The following CACNA1H variants were observed in gnomAD, a reference collection of about 807,000 sequenced individuals.
CACNA1H encodes voltage-dependent T-type calcium channel subunit alpha-1H.
CACNA1H carries 149 observed loss-of-function variants against 192.5 expected under a neutral mutation model. The observed-to-expected ratio is 0.77, with a 90% CI of 0.68 to 0.89. The LOEUF (loss-of-function observed/expected upper bound fraction) is 0.89. CACNA1H is among the 40% of genes least tolerant of loss of function. CACNA1H has a pLI of 0.00. For synonymous variants in CACNA1H, 2,202 were observed against 1,475.2 expected, an observed-to-expected ratio of 1.49 and a Z score of -11.29; for missense variants, 4,257 against 3,423.5, an observed-to-expected ratio of 1.24 and a Z score of -6.08.
At chr16:1,176,698 C>T (rs1403798399) in intron 2 of CACNA1H, among the ~76,000 whole-genome samples, 1 of 152,198 alleles carries the variant, frequency 6.6e-6, no homozygotes, top group Non-Finnish European at 1.5e-5. Flanking sequence ...GCCGGCTGGG[C>T]ACCAAGTCTC....
rs1262548254 is a variant in CACNA1H, at chr16:1,198,739, G to A, written c.768G>A (p.Leu256=). The A allele has an allele frequency of 2.5e-6, 4 of 1,612,674 alleles. No homozygotes were observed. The highest frequency in any genetic ancestry group is 3.4e-6 in the Non-Finnish European group (4 of 1,179,522). ...IVGVQLWAGL[L]RNRCFLDSAF... The stretch of plus-strand genomic sequence containing the variant: ...GCGTCCAGCTCTGGGCTGGCCTCCT[G>A]CGGAACCGCTGCTTCCTGGACAGTG... Residue 256 remains leucine (L), a synonymous_variant, in exon 6 of 35, where the codon CTG becomes CTA. Transcript: ENST00000348261.
rs949766411 is a variant in CACNA1H at position 1,221,681 on chromosome 16, A to T, written c.*687A>T. 6.9e-6 allele frequency: 8 copies of T among 1,159,494 alleles called. No individual in the cohort carries two copies. Among genetic ancestry groups the T allele is most frequent in the Non-Finnish European group, 9.6e-6 (8 of 836,312 alleles). 71.8% of individuals were successfully genotyped at this position (1,159,494 alleles called of 1,614,324 possible). ...TTCGTGTGCTTTTAAATTCAGGTTAAATGTTGCAATAATCTGATGCAGAAG... is the reference window on the plus strand; with the variant it reads ...TTCGTGTGCTTTTAAATTCAGGTTATATGTTGCAATAATCTGATGCAGAAG... On this transcript the variant is annotated 3_prime_UTR_variant, in exon 35 of 35. Transcript: ENST00000348261.
chr16:1,195,911 C>T lies in CACNA1H; in HGVS notation c.546-15C>T, dbSNP rs368216156. 9 of 1,605,788 alleles carry T rather than the reference C, an allele frequency of 5.6e-6. No homozygotes were observed. The highest frequency in any genetic ancestry group is 1.3e-5 in the African/African-American group (1 of 74,750). ...GGCTCCTTGTTGAGCTGCTCCCCCT[C>T]GGCCCCGCCCCCAGCATGATGGAGT... On this transcript the variant is annotated splice_polypyrimidine_tract_variant and intron_variant, in intron 4 of 34. Coordinates refer to ENST00000348261, the MANE Select transcript of CACNA1H (RefSeq NM_021098.3).
chr16:1,197,283 C>G (rs758210508), intron 5 of CACNA1H, among the ~76,000 whole-genome samples: 1 of 152,206 alleles, frequency 6.6e-6, no homozygotes, highest in African/African-American at 2.4e-5. Context: ...GCTGAGCGTG[C>G]GGTGAGGGGA....
intron 26 of CACNA1H, among the ~76,000 whole-genome samples, chr16:1,212,731 TCA>T (rs1384649158): frequency 6.6e-6 from 1 of 152,146 alleles, no homozygotes; most frequent in Non-Finnish European, 1.5e-5. Context: ...TCTGCCCGGC[TCA>T]CAGTCTGCCT....
intron 6 of CACNA1H, among the ~76,000 whole-genome samples, chr16:1,199,975 G>T (rs1369196407): frequency 1.3e-5 from 2 of 152,026 alleles, no homozygotes; most frequent in Admixed American, 6.6e-5. Context: ...TGTTCTTTGT[G>T]TGTTTGTCTC....
At position 1,167,181 on chromosome 16, in the gene CACNA1H, C is replaced by T. The variant is rs1963874834; in HGVS notation, c.299+13145C>T. Among the ~76,000 whole-genome samples, 1 of 152,208 alleles carries T rather than the reference C, an allele frequency of 6.6e-6. No individual in the cohort carries two copies. Among genetic ancestry groups the T allele is most frequent in the African/African-American group, 2.4e-5 (1 of 41,468 alleles). Reference sequence around the variant, plus strand: ...TGGGGCGTCTCCCATCGGGAAATGGCAGCCCCTGACCTGCCCCGTGGGGAT... The same window carrying T: ...TGGGGCGTCTCCCATCGGGAAATGGTAGCCCCTGACCTGCCCCGTGGGGAT... On this transcript the variant is annotated intron_variant, in intron 2 of 34. Transcript: ENST00000348261. This position sits in a 1 kb window ranked among gnomAD's most constrained non-coding sequence, Gnocchi z 4.2.
intron 10 of CACNA1H, among the ~76,000 whole-genome samples, chr16:1,204,664 C>T (rs972128328): frequency 2.0e-5 from 3 of 152,180 alleles, no homozygotes; most frequent in Non-Finnish European, 1.5e-5. Context: ...GGCCTCCTCT[C>T]TAGACGGCAG....
chr16:1,174,017 C>T (rs1049895157), intron 2 of CACNA1H, among the ~76,000 whole-genome samples: 7 of 152,224 alleles, frequency 4.6e-5, no homozygotes, highest in Admixed American at 4.6e-4. Context: ...TAGGGCCTCA[C>T]ATCATGCGGG....
chr16:1,165,056 T>C (rs1385509139), intron 2 of CACNA1H, among the ~76,000 whole-genome samples: 2 of 151,632 alleles, frequency 1.3e-5, no homozygotes, highest in Admixed American at 1.3e-4. Flanking sequence ...GTGGGAACAG[T>C]GGCGCTCACC....
chr16:1,165,789 C>G (rs1266495158), intron 2 of CACNA1H, among the ~76,000 whole-genome samples: 1 of 152,204 alleles, frequency 6.6e-6, no homozygotes, highest in Non-Finnish European at 1.5e-5. Flanking sequence ...ACGTTCCCCA[C>G]CAGATGAACC....
In CACNA1H at chr16:1,209,355, C is replaced by G; in HGVS notation, c.3687C>G (p.Phe1229Leu). ...GQVVALPSDF[F>L]LRIDSHREDA... is the part of the protein sequence containing the mutation. ...TGGTGGCCCTGCCCAGCGACTTCTT[C>G]CTGCGCATCGACAGCCACCGTGAGG... Residue 1229 changes from phenylalanine to leucine, a missense_variant, in exon 17 of 35, where the codon TTC (phenylalanine) becomes TTG (leucine). Phe to Leu is a conservative substitution (Grantham distance 22). Coordinates refer to ENST00000348261, the MANE Select transcript of CACNA1H (RefSeq NM_021098.3). 1 of 1,598,026 alleles carries G rather than the reference C, an allele frequency of 6.3e-7. No individual in the cohort carries two copies. Among genetic ancestry groups the G allele is most frequent in the Non-Finnish European group, 8.5e-7 (1 of 1,179,570 alleles).
intron 2 of CACNA1H, among the ~76,000 whole-genome samples, chr16:1,163,996 A>C (rs1388919960): frequency 6.6e-6 from 1 of 152,284 alleles, no homozygotes; most frequent in Non-Finnish European, 1.5e-5. Flanking sequence ...CCCCTGCCCC[A>C]GCCGAGGAGC....
In CACNA1H at chr16:1,221,721, G is replaced by C. The variant is rs1596484096; in HGVS notation, c.*727G>C. The C allele has an allele frequency of 7.0e-7, 1 of 1,424,256 alleles. No homozygotes were observed. Among genetic ancestry groups the C allele is most frequent in the African/African-American group, 1.4e-5 (1 of 70,312 alleles). 88.2% of individuals were successfully genotyped at this position (1,424,256 alleles called of 1,614,324 possible). On this transcript the variant is annotated 3_prime_UTR_variant, in exon 35 of 35. Coordinates refer to ENST00000348261, the MANE Select transcript of CACNA1H (RefSeq NM_021098.3). ...TGATGCAGAAGACTCAGCTTCTCAA[G>C]GGAGAGGGAGGGGGCGGAGCGGAAT... is the stretch of plus-strand genomic sequence containing the variant.
chr16:1,207,965 C>T, intron 15 of CACNA1H, 48 bp from the exon 16 acceptor site: 6 of 1,557,176 alleles, frequency 3.9e-6, no homozygotes, highest in Non-Finnish European at 5.2e-6. Context: ...ATTCCTGGTC[C>T]TGGGAGCCTG....
chr16:1,211,029 C>G, intron 21 of CACNA1H, 58 bp downstream of exon 21: 2 of 1,557,458 alleles, frequency 1.3e-6, no homozygotes, highest in Admixed American at 1.7e-5. Flanking sequence ...CCTGACGCCA[C>G]TGCCCATTAC....
At chr16:1,154,166 C>T in intron 2 of CACNA1H, 130 bp downstream of exon 2, 2 of 614,216 alleles carry the variant, frequency 3.3e-6, no homozygotes, top group Non-Finnish European at 2.3e-6. Context: ...GCCGGGCGCG[C>T]GGGGGTGCAG....
chr16:1,177,784 G>A (rs958993030), intron 2 of CACNA1H, among the ~76,000 whole-genome samples: 1 of 151,918 alleles, frequency 6.6e-6, no homozygotes, highest in Non-Finnish European at 1.5e-5. Flanking sequence ...GGAGGTGGAG[G>A]GGTCTCTCGG....
In CACNA1H at chr16:1,220,473, G is replaced by A. The variant is rs766245468; in HGVS notation, c.6541G>A (p.Ala2181Thr). The A allele has an allele frequency of 4.5e-6, 7 of 1,546,952 alleles. No homozygotes were observed. In the South Asian group the frequency reaches 7.6e-5, roughly 17 times the overall value. The change falls in exon 35 of 35, where the codon GCG (alanine) becomes ACG (threonine). Residue 2181 changes from alanine (A) to threonine (T), a missense_variant. Coordinates refer to ENST00000348261, the MANE Select transcript of CACNA1H (RefSeq NM_021098.3). ...CCCTGAGGCCGAGCCCGCTCTGGGT[G>A]CGCGCAGAAAGAAGAAGATGAGCCC... ...WGPEAEPALGARRKKKMSPPC... is the reference protein window; with the variant it reads ...WGPEAEPALGTRRKKKMSPPC...
Sources: allele counts gnomAD v4.1 joint callset (sites outside exome capture counted in the v4.1 genomes callset), GRCh38; gene constraint gnomAD v4.1.1; non-coding constraint Gnocchi (gnomAD v3.1); transcripts MANE v1.5; gene names NCBI Gene and HGNC (gene_info 2026-07-23, HGNC 2026-07-21).